RHBDL2: variants seen among roughly 807,000 people sequenced by gnomAD.
RHBDL2 encodes rhomboid like 2, also known as rhomboid-related protein 2.
In RHBDL2, 26 loss-of-function variants were observed where a neutral mutation model predicts 31.7. The ratio of observed to expected loss-of-function variants is 0.82; its 90% CI spans 0.60 to 1.14. RHBDL2 has a LOEUF of 1.14. RHBDL2 is among the 50% of genes most tolerant of loss of function. The pLI is 0.00. For missense variants in RHBDL2, 336 were observed against 364.4 expected (o/e 0.92, Z 0.63); for synonymous variants, 123 against 127.2 (o/e 0.97, Z 0.22).
At chr1:38,895,879 A>G (rs1642911987) in intron 5 of RHBDL2, 90 bp downstream of exon 5, 1 of 794,174 alleles carries the variant, frequency 1.3e-6, no homozygotes, top group African/African-American at 1.7e-5. Context: ...CTCAGTAAAT[A>G]TTGATAAATG....
intron 4 of RHBDL2, among the ~76,000 whole-genome samples, chr1:38,897,364 T>C: frequency 6.6e-6 from 1 of 152,136 alleles, no homozygotes. Context: ...CCTCCCAAAG[T>C]GCTGGGATTA....
intron 4 of RHBDL2, among the ~76,000 whole-genome samples, chr1:38,899,040 A>G (rs1642956021): frequency 6.6e-6 from 1 of 152,176 alleles, no homozygotes; most frequent in African/African-American, 2.4e-5. Context: ...TTGAAACAGA[A>G]GCTCAAGTAT....
intron 1 of RHBDL2, among the ~76,000 whole-genome samples, chr1:38,935,216 C>A (rs1432858345): frequency 9.9e-5 from 15 of 152,238 alleles, no homozygotes. Context: ...TTAGCCAAAT[C>A]AAAGAGATTT....
rs111244874 is a variant in RHBDL2, at chr1:38,924,782, C to CTTT, written c.-125-5448_-125-5446dup. On this transcript the variant is annotated intron_variant, in intron 1 of 7. Coordinates refer to ENST00000372990, the MANE Select transcript of RHBDL2 (RefSeq NM_017821.5). ...TCTGTTGAAAAGAGATTTCTTTTTT[C>CTTT]TTTTTTTTTTTTTTTTTGAGATTGA... Among the ~76,000 whole-genome samples the CTTT allele has an allele frequency of 4.5e-4, 56 of 125,832 alleles. 1 individual carries two copies. The highest frequency in any genetic ancestry group is 1.6e-3 in the South Asian group (6 of 3,734). 82.6% of individuals were successfully genotyped at this position (125,832 alleles called of 152,430 possible). A position where few individuals can be genotyped will look rare whatever the true frequency, so the allele number is the denominator to read the frequency against.
chr1:38,937,595 C>T (rs949963071), intron 1 of RHBDL2, among the ~76,000 whole-genome samples: 2 of 152,132 alleles, frequency 1.3e-5, no homozygotes, highest in African/African-American at 4.8e-5. Context: ...GTTCCAGGAC[C>T]ACTGGCTAGT....
chr1:38,937,431 T>C (rs1643523238), intron 1 of RHBDL2, among the ~76,000 whole-genome samples: 1 of 152,128 alleles, frequency 6.6e-6, no homozygotes, highest in East Asian at 1.9e-4. Flanking sequence ...GTAACTTTCT[T>C]ATAAAGCCAA....
intron 3 of RHBDL2, 118 bp from the exon 4 acceptor site, chr1:38,911,552 C>T: frequency 1.5e-6 from 1 of 677,716 alleles, no homozygotes; most frequent in Admixed American, 2.8e-5. Flanking sequence ...ACTAGAATTC[C>T]ATTTTCTAAT....
At chr1:38,903,326 G>C (rs1352874629) in intron 4 of RHBDL2, among the ~76,000 whole-genome samples, 2 of 151,932 alleles carry the variant, frequency 1.3e-5, no homozygotes, top group South Asian at 2.1e-4. Flanking sequence ...TTTTAGTAGA[G>C]ACGGGGTTTC....
chr1:38,913,933 A>G (rs1371671926), intron 3 of RHBDL2, among the ~76,000 whole-genome samples: 4 of 152,074 alleles, frequency 2.6e-5, no homozygotes, highest in Non-Finnish European at 4.4e-5. Flanking sequence ...CCTGGCCAAC[A>G]TGGTGAAACC....
chr1:38,898,521 C>A (rs995126961), intron 4 of RHBDL2, among the ~76,000 whole-genome samples: 12 of 152,152 alleles, frequency 7.9e-5, no homozygotes, highest in Admixed American at 2.0e-4. Context: ...AAAGAATGGT[C>A]TTCAAGATAC....
chr1:38,901,759 C>A (rs1642992405), intron 4 of RHBDL2, among the ~76,000 whole-genome samples: 1 of 151,148 alleles, frequency 6.6e-6, no homozygotes, highest in African/African-American at 2.4e-5. Flanking sequence ...TTGCTTGAAC[C>A]CGGTGCAGGT....
At chr1:38,932,926 C>T (rs969490271) in intron 1 of RHBDL2, among the ~76,000 whole-genome samples, 20 of 152,264 alleles carry the variant, frequency 1.3e-4, no homozygotes, top group African/African-American at 4.8e-4. Context: ...TGATGTCTGA[C>T]CCGAAATTAC....
At chr1:38,934,329 C>A (rs1643468550) in intron 1 of RHBDL2, among the ~76,000 whole-genome samples, 1 of 151,646 alleles carries the variant, frequency 6.6e-6, no homozygotes. Context: ...GCCTGGATGA[C>A]AGAGCAAGAC....
At chr1:38,890,295 C>T (rs898676951) in intron 6 of RHBDL2, among the ~76,000 whole-genome samples, 2 of 152,190 alleles carry the variant, frequency 1.3e-5, no homozygotes, top group African/African-American at 4.8e-5. Flanking sequence ...GCTGCGATTA[C>T]AGGCGTGAGC....
At chr1:38,927,196 G>C (rs1300492058) in intron 1 of RHBDL2, among the ~76,000 whole-genome samples, 1 of 152,170 alleles carries the variant, frequency 6.6e-6, no homozygotes, top group South Asian at 2.1e-4. Context: ...GGAAGGCCAA[G>C]GCGGGTGGAT....
intron 1 of RHBDL2, among the ~76,000 whole-genome samples, chr1:38,928,759 A>G (rs6687991): frequency 1.3e-5 from 2 of 151,866 alleles, no homozygotes; most frequent in African/African-American, 4.8e-5. Context: ...TAAAAAAAAA[A>G]TTTTAAATAA....
chr1:38,914,472 C>A (rs1469964615), intron 3 of RHBDL2, among the ~76,000 whole-genome samples: 1 of 151,660 alleles, frequency 6.6e-6, no homozygotes, highest in African/African-American at 2.4e-5. Context: ...GAACTCCTGA[C>A]CTCAGGTGAT....
At chr1:38,909,836 C>T (rs995914069) in intron 4 of RHBDL2, among the ~76,000 whole-genome samples, 7 of 152,096 alleles carry the variant, frequency 4.6e-5, no homozygotes, top group Non-Finnish European at 1.0e-4. Flanking sequence ...GGACATTTAT[C>T]CTAGAAAACT....
intron 4 of RHBDL2, among the ~76,000 whole-genome samples, chr1:38,909,141 G>T (rs1643108459): frequency 6.6e-6 from 1 of 152,162 alleles, no homozygotes; most frequent in Non-Finnish European, 1.5e-5. Context: ...CTGCAGGCTA[G>T]GGTCTCGGGG....
Sources: allele counts gnomAD v4.1 joint callset (sites outside exome capture counted in the v4.1 genomes callset), GRCh38; gene constraint gnomAD v4.1.1; transcripts MANE v1.5; gene names NCBI Gene and HGNC (gene_info 2026-07-23, HGNC 2026-07-21).